Variants in TUBGCP6 observed in about 807,000 individuals in gnomAD.
TUBGCP6 encodes tubulin gamma complex component 6.
Under a neutral mutation model 175.8 loss-of-function variants are expected in TUBGCP6, and 161 were observed. That is an observed-to-expected ratio of 0.92 (90% confidence interval 0.81 to 1.04). The LOEUF (loss-of-function observed/expected upper bound fraction) is 1.04, where lower values mean the gene tolerates loss of function less well. Among genes scored for constraint, TUBGCP6 ranks in the 50% least tolerant of loss-of-function variants. The pLI is 0.00. For synonymous variants in TUBGCP6, 1,173 were observed against 1,030.5 expected (o/e 1.14, Z -2.65); for missense variants, 2,572 against 2,433.0 (o/e 1.06, Z -1.20).
At chr22:50,237,624 G>T (rs1479047981) in intron 2 of TUBGCP6, among the ~76,000 whole-genome samples, 1 of 152,220 alleles carries the variant, frequency 6.6e-6, no homozygotes, top group Non-Finnish European at 1.5e-5. Flanking sequence ...TCAGCACACT[G>T]CCAGGCACAC....
In TUBGCP6 at chr22:50,229,426, T is replaced by C. The variant is rs903841768; in HGVS notation, c.1268A>G (p.Tyr423Cys). ...FSLQPVLDSL[Y>C]SKGLVFQAFT... ...TACCTGGAACACGAGGCCCTTGCTG[T>C]ACAAAGAGTCCAGGACGGGCTGCAG... Residue 423 changes from tyrosine to cysteine, a missense_variant, in exon 4 of 25, where the codon TAC (tyrosine) becomes TGC (cysteine). By Grantham distance (194) the Tyr-to-Cys change is radical. Coordinates refer to ENST00000248846, the MANE Select transcript of TUBGCP6 (RefSeq NM_020461.4). The C allele has an allele frequency of 1.9e-6, 3 of 1,613,550 alleles. No homozygotes were observed. In the African/African-American group the frequency reaches 4.0e-5, roughly 22 times the overall value.
In TUBGCP6 at chr22:50,222,560, G is replaced by C. The variant is rs2064546298; in HGVS notation, c.2303C>G (p.Ser768Cys). 6.2e-7 allele frequency: 1 copy of C among 1,612,936 alleles called. No individual in the cohort carries two copies. Among genetic ancestry groups the C allele is most frequent in the Non-Finnish European group, 8.5e-7 (1 of 1,180,042 alleles). Residue 768 changes from serine to cysteine, a missense_variant, in exon 14 of 25, where the codon TCT becomes TGT. Physicochemically the swap from Ser to Cys is moderately radical, Grantham distance 112. Coordinates refer to ENST00000248846, the MANE Select transcript of TUBGCP6 (RefSeq NM_020461.4). The stretch of plus-strand genomic sequence containing the variant: ...CTGCTCCCGACGAGCTGCCTCTGCA[G>C]AGAGCTTGCTGTAGTGGTCGACCAG... ...QALVDHYSKLSAEAARREQKA... is the reference protein window; with the variant it reads ...QALVDHYSKLCAEAARREQKA...
rs755288771 is a variant in TUBGCP6, at chr22:50,240,206, G to C, written c.903C>G (p.Gly301=). The part of the protein sequence containing the change: ...ASKRRCWERV[G]CPPGHREEPY... ...CCAAGGCAAAGAAGGGCACACACCAGCCAACTCGCTCCCAGCACCTCCGCT... is the reference window on the plus strand; with the variant it reads ...CCAAGGCAAAGAAGGGCACACACCACCCAACTCGCTCCCAGCACCTCCGCT... Residue 301 remains glycine, a splice_region_variant and synonymous_variant, in exon 2 of 25, where the codon GGC becomes GGG. Transcript: ENST00000248846. 33 of 1,613,506 alleles carry C rather than the reference G, an allele frequency of 2.0e-5. No individual in the cohort carries two copies. The highest frequency in any genetic ancestry group is 2.7e-5 in the Non-Finnish European group (32 of 1,180,010).
chr22:50,219,909 A>G, intron 17 of TUBGCP6, 48 bp downstream of exon 17: 1 of 1,612,002 alleles, frequency 6.2e-7, no homozygotes. Flanking sequence ...CTAGAGGGAC[A>G]GAGCCCTCCC....
chr22:50,231,170 A>C (rs2064684193), intron 3 of TUBGCP6, among the ~76,000 whole-genome samples: 1 of 151,684 alleles, frequency 6.6e-6, no homozygotes, highest in Non-Finnish European at 1.5e-5. Context: ...AATACAGAGT[A>C]GGCCAAGCAC....
intron 13 of TUBGCP6, 111 bp from the exon 14 acceptor site, chr22:50,222,703 G>A (rs1399649761): frequency 2.0e-5 from 29 of 1,463,308 alleles, no homozygotes; most frequent in Middle Eastern, 2.5e-4. Context: ...GTGGGCCCCC[G>A]CCCCCGTCTC....
At chr22:50,240,150 C>CA (rs756901011) in intron 2 of TUBGCP6, 54 bp downstream of exon 2, 2 of 1,608,446 alleles carry the variant, frequency 1.2e-6, no homozygotes, top group Non-Finnish European at 1.7e-6. Flanking sequence ...CATCCAAGGC[C>CA]ACGCTCATGC....
At chr22:50,219,852 G>T in intron 17 of TUBGCP6, 61 bp from the exon 18 acceptor site, 2 of 1,603,394 alleles carry the variant, frequency 1.2e-6, no homozygotes, top group Non-Finnish European at 1.7e-6. Context: ...CAACCAGCTT[G>T]TGCCAAAAAA....
intron 3 of TUBGCP6, among the ~76,000 whole-genome samples, chr22:50,230,605 C>CAAA (rs57598808): frequency 2.6e-5 from 3 of 117,626 alleles, no homozygotes; most frequent in African/African-American, 9.2e-5. Flanking sequence ...GACTCCGTCT[C>CAAA]AAAAAAAAAA....
rs1184208772 is a variant in TUBGCP6, at chr22:50,218,381, C to G, written c.4976G>C (p.Gly1659Ala). The change falls in exon 23 of 25, where the codon GGC becomes GCC. Residue 1659 changes from glycine (G) to alanine (A), a missense_variant. Physicochemically the swap from Gly to Ala is moderately conservative, Grantham distance 60. Coordinates refer to ENST00000248846, the MANE Select transcript of TUBGCP6 (RefSeq NM_020461.4). ...KRTALLSHMAGSVQFRQLQLF... is the reference protein window; with the variant it reads ...KRTALLSHMAASVQFRQLQLF... ...CTGCAGCTGACGGAACTGCACAGAGCCGGCCATGTGGCTCAGCAGGGCTGG... is the reference window on the plus strand; with the variant it reads ...CTGCAGCTGACGGAACTGCACAGAGGCGGCCATGTGGCTCAGCAGGGCTGG... The G allele has an allele frequency of 4.3e-6, 7 of 1,612,928 alleles. No individual in the cohort carries two copies. The highest frequency in any genetic ancestry group is 5.1e-6 in the Non-Finnish European group (6 of 1,179,968).
At position 50,218,007 on chromosome 22, in the gene TUBGCP6, C is replaced by G. The variant is rs780595359; in HGVS notation, c.5279G>C (p.Gly1760Ala). 3.7e-6 allele frequency: 6 copies of G among 1,612,218 alleles called. No homozygotes were observed. The highest frequency in any genetic ancestry group is 5.1e-6 in the Non-Finnish European group (6 of 1,179,416). ...QLISQAWGPP[G>A]GPRGAEHPNF... is the part of the protein sequence containing the mutation. ...GGGGTGCTCTGCACCCCGCGGGCCC[C>G]CAGGGGGCCCCCAGGCCTGGGAGAT... The change falls in exon 24 of 25, where the codon GGG becomes GCG. Residue 1760 changes from glycine to alanine, a missense_variant. By Grantham distance (60) the Gly-to-Ala change is moderately conservative. Coordinates refer to ENST00000248846, the MANE Select transcript of TUBGCP6 (RefSeq NM_020461.4).
In TUBGCP6 at chr22:50,233,334, G is replaced by C. The variant is rs758046994; in HGVS notation, c.1098C>G (p.Ala366=). 1 of 1,613,608 alleles carries C rather than the reference G, an allele frequency of 6.2e-7. No individual in the cohort carries two copies. The highest frequency in any genetic ancestry group is 1.1e-5 in the South Asian group (1 of 91,024). The part of the protein sequence containing the change: ...VLNVLIGVVS[A]TFSLCQPAQA... ...TTCTCACCTGGCAGAGCGAAAACGTGGCAGACACGACCCCAATCAAGACGT... is the reference window on the plus strand; with the variant it reads ...TTCTCACCTGGCAGAGCGAAAACGTCGCAGACACGACCCCAATCAAGACGT... Residue 366 remains alanine, a synonymous_variant, in exon 3 of 25, where the codon GCC becomes GCG. Coordinates refer to ENST00000248846, the MANE Select transcript of TUBGCP6 (RefSeq NM_020461.4).
At chr22:50,237,498 C>G (rs985637339) in intron 2 of TUBGCP6, among the ~76,000 whole-genome samples, 5 of 152,252 alleles carry the variant, frequency 3.3e-5, no homozygotes, top group Non-Finnish European at 7.3e-5. Flanking sequence ...AAACTCAGGT[C>G]CAGCCACTGT....
At position 50,244,846 on chromosome 22, in the gene TUBGCP6, G is replaced by A. The variant is rs369637239; in HGVS notation, c.-387C>T. 1.3e-4 allele frequency: 30 copies of A among 230,364 alleles called. 1 individual carries two copies. The highest frequency in any genetic ancestry group is 4.9e-4 in the African/African-American group (21 of 43,026). The allele number at this position is 230,364 out of a possible 1,614,324, so 14.3% of individuals were successfully genotyped here. Reference sequence around the variant, plus strand: ...ACCCGTTCTTCGGGACCCACGAGAGGAGACGGCCAGGAGAGGGTGCCACTC... The same window carrying A: ...ACCCGTTCTTCGGGACCCACGAGAGAAGACGGCCAGGAGAGGGTGCCACTC... On this transcript the variant is annotated 5_prime_UTR_variant, in exon 1 of 25. Transcript: ENST00000248846.
chr22:50,242,445 C>T (rs1195593952), intron 1 of TUBGCP6, among the ~76,000 whole-genome samples: 2 of 151,994 alleles, frequency 1.3e-5, no homozygotes, highest in Non-Finnish European at 2.9e-5. Context: ...TGCAGTGAGC[C>T]GAGACCACAC....
At chr22:50,240,145 A>G (rs2064822158) in intron 2 of TUBGCP6, 59 bp downstream of exon 2, 2 of 1,606,528 alleles carry the variant, frequency 1.2e-6, no homozygotes, top group South Asian at 2.2e-5. Flanking sequence ...CACCCCATCC[A>G]AGGCCACGCT....
intron 17 of TUBGCP6, 76 bp downstream of exon 17, chr22:50,219,881 A>AC: frequency 2.5e-6 from 4 of 1,603,870 alleles, no homozygotes; most frequent in Non-Finnish European, 3.4e-6. Flanking sequence ...CGCATGTGGG[A>AC]CCCACCCGCG....
rs201446399 is a variant in TUBGCP6 at position 50,226,858 on chromosome 22, G to C, written c.1492-16C>G. ...GCTTCACGCCCTGCAGACCGCAAAG[G>C]GGGTGGGGGGCAGCTCAGCGCACCC... On this transcript the variant is annotated splice_polypyrimidine_tract_variant and intron_variant, in intron 6 of 24. Transcript: ENST00000248846. 156 of 1,568,748 alleles carry C rather than the reference G, an allele frequency of 9.9e-5. 1 individual carries two copies. In the East Asian group the frequency reaches 1.6e-3, roughly 16 times the overall value.
At chr22:50,219,865 G>A in intron 17 of TUBGCP6, 74 bp from the exon 18 acceptor site, 2 of 1,603,584 alleles carry the variant, frequency 1.2e-6, no homozygotes, top group Middle Eastern at 1.7e-4. Context: ...CCAAAAAAAG[G>A]AAAATCGCAT....
Sources: allele counts gnomAD v4.1 joint callset (sites outside exome capture counted in the v4.1 genomes callset), GRCh38; gene constraint gnomAD v4.1.1; transcripts MANE v1.5; gene names NCBI Gene and HGNC (gene_info 2026-07-23, HGNC 2026-07-21).